NUP214: variants seen among roughly 807,000 people sequenced by gnomAD.
NUP214 encodes the protein nucleoporin 214.
A neutral mutation model predicts 196.2 loss-of-function variants in NUP214; 79 were observed. The observed-to-expected ratio is 0.40, with a 90% CI of 0.34 to 0.49. The LOEUF (loss-of-function observed/expected upper bound fraction) is 0.49. Ranked by LOEUF, NUP214 falls within the 20% of genes least tolerant of loss-of-function variation. The pLI, the probability that NUP214 is intolerant of heterozygous loss-of-function variation, is 0.58. For missense variants in NUP214, 2,468 were observed against 2,539.0 expected (o/e 0.97, Z 0.60); for synonymous variants, 1,020 against 990.5 (o/e 1.03, Z -0.56).
intron 24 of NUP214, among the ~76,000 whole-genome samples, chr9:131,183,305 G>A (rs1255818871): frequency 2.0e-5 from 3 of 152,156 alleles, no homozygotes; most frequent in African/African-American, 7.2e-5. Flanking sequence ...GGCTGGTCTC[G>A]AACTCCTGAC....
In NUP214 at chr9:131,162,945, T is replaced by C. The variant is rs767092798; in HGVS notation, c.2541-46T>C. On this transcript the variant is annotated intron_variant, in intron 18 of 35. Coordinates refer to ENST00000359428, the MANE Select transcript of NUP214 (RefSeq NM_005085.4). ...TTGTTTTTTTACTGGGAGATTCCTT[T>C]ACTTGAACCATTCATGTTTAATTCT... 2.5e-6 allele frequency: 4 copies of C among 1,591,032 alleles called. No individual in the cohort carries two copies. In the Admixed American group the frequency reaches 5.1e-5, roughly 20 times the overall value.
Position 131,205,548 on chromosome 9 carries a change from A to G in NUP214, c.5592+3831A>G, listed in dbSNP as rs191098152. 9.6e-4 allele frequency among the ~76,000 whole-genome samples: 147 copies of G among 152,386 alleles called. 1 individual carries two copies. Among genetic ancestry groups the G allele is most frequent in the East Asian group, 1.5e-3 (8 of 5,190 alleles). ...AGATATTGATAAGAATGTTCACAGC[A>G]GAATATTCTTAATAGCTAAACACAG... On this transcript the variant is annotated intron_variant, in intron 30 of 35. Coordinates refer to ENST00000359428, the MANE Select transcript of NUP214 (RefSeq NM_005085.4).
intron 11 of NUP214, among the ~76,000 whole-genome samples, chr9:131,143,650 G>A (rs1333817426): frequency 6.6e-6 from 1 of 151,968 alleles, no homozygotes; most frequent in Non-Finnish European, 1.5e-5. Flanking sequence ...CTGTTTATTA[G>A]TCCTGAAATT....
chr9:131,199,008 A>G lies in NUP214; in HGVS notation c.5514A>G (p.Gln1838=). 6.3e-7 allele frequency: 1 copy of G among 1,586,938 alleles called. No individual in the cohort carries two copies. The highest frequency in any genetic ancestry group is 8.6e-7 in the Non-Finnish European group (1 of 1,165,434). The change falls in exon 29 of 36, where the codon CAA becomes CAG. Residue 1838 remains glutamine, a synonymous_variant. Coordinates refer to ENST00000359428, the MANE Select transcript of NUP214 (RefSeq NM_005085.4). ...CAACCTCTGGGTTCAGCTTTTGCCA[A>G]GCTTCAGGTAAGAATTTGTGGAAGC... is the stretch of plus-strand genomic sequence containing the variant. ...TAATSGFSFC[Q]ASGFGSSNTG...
intron 25 of NUP214, among the ~76,000 whole-genome samples, chr9:131,188,834 G>A (rs537313534): frequency 6.6e-6 from 1 of 152,350 alleles, no homozygotes; most frequent in African/African-American, 2.4e-5. Flanking sequence ...CTTGGAGCTT[G>A]CAGAGTATTT....
intron 31 of NUP214, among the ~76,000 whole-genome samples, chr9:131,216,376 C>T (rs997167707): frequency 1.3e-5 from 2 of 151,372 alleles, no homozygotes; most frequent in Non-Finnish European, 2.9e-5. Flanking sequence ...AGGTGCCCGC[C>T]ACCAAGCCCG....
intron 31 of NUP214, among the ~76,000 whole-genome samples, chr9:131,218,255 T>A (rs1052261171): frequency 3.3e-5 from 5 of 152,294 alleles, no homozygotes; most frequent in Non-Finnish European, 5.9e-5. Flanking sequence ...ACTAGGTGTA[T>A]GATTCAATAG....
rs1333883881 is a variant in NUP214 at position 131,146,786 on chromosome 9, C to T, written c.1945+482C>T. Among the ~76,000 whole-genome samples, 2 of 151,992 alleles carry T rather than the reference C, an allele frequency of 1.3e-5. No homozygotes were observed. The highest frequency in any genetic ancestry group is 2.9e-5 in the Non-Finnish European group (2 of 67,988). On this transcript the variant is annotated intron_variant, in intron 13 of 35. Transcript: ENST00000359428. This position sits in a 1 kb window ranked among gnomAD's most constrained non-coding sequence, Gnocchi z 4.6. ...CTCTACTAAAAATACAAAAATTAGC[C>T]AGGTGTGGTGGTGGGTGCCTGTAAT... is the stretch of plus-strand genomic sequence containing the variant.
chr9:131,208,036 C>T (rs1834131667), intron 30 of NUP214, among the ~76,000 whole-genome samples: 1 of 152,070 alleles, frequency 6.6e-6, no homozygotes, highest in Non-Finnish European at 1.5e-5. Flanking sequence ...ACTTCACACC[C>T]CCTAGGATGG....
chr9:131,128,531 T>C lies in NUP214; in HGVS notation c.393+48T>C, dbSNP rs780429419. 13 of 1,494,374 alleles carry C rather than the reference T, an allele frequency of 8.7e-6. No individual in the cohort carries two copies. The African/African-American group carries it at 1.7e-4, about 19-fold the overall frequency. The allele number at this position is 1,494,374 out of a possible 1,614,324, so 92.6% of individuals were successfully genotyped here. On this transcript the variant is annotated intron_variant, in intron 3 of 35. Transcript: ENST00000359428. ...TGTCAACATGAGAACCCTAAGCAGATTTCCTTGTATTGAATTACAACTTGG... is the reference window on the plus strand; with the variant it reads ...TGTCAACATGAGAACCCTAAGCAGACTTCCTTGTATTGAATTACAACTTGG...
intron 26 of NUP214, 95 bp from the exon 27 acceptor site, chr9:131,192,113 G>A (rs1833617746): frequency 1.2e-6 from 1 of 834,432 alleles, no homozygotes; most frequent in African/African-American, 1.8e-5. Context: ...GCACCTCACA[G>A]GCTGAGCTAC....
chr9:131,184,493 C>T (rs9777289), intron 24 of NUP214, among the ~76,000 whole-genome samples: 6,151 of 151,802 alleles, frequency 0.041, 162 homozygotes, highest in African/African-American at 0.078. Context: ...GCCACCACAC[C>T]TGGCTAATTT....
intron 17 of NUP214, among the ~76,000 whole-genome samples, chr9:131,154,860 CGT>C (rs537677478): frequency 2.9e-4 from 44 of 152,242 alleles, no homozygotes; most frequent in African/African-American, 8.2e-4. Context: ...CGCACGCTCG[CGT>C]GTGTGTCACA....
At chr9:131,207,648 T>C (rs192704106) in intron 30 of NUP214, among the ~76,000 whole-genome samples, 24 of 152,368 alleles carry the variant, frequency 1.6e-4, no homozygotes, top group African/African-American at 5.5e-4. Flanking sequence ...CAAGAGGAGA[T>C]ACAGAGGCCG....
chr9:131,218,672 G>T (rs1156459751), intron 31 of NUP214, among the ~76,000 whole-genome samples: 1 of 151,976 alleles, frequency 6.6e-6, no homozygotes, highest in East Asian at 1.9e-4. Flanking sequence ...TTCCATTGTG[G>T]TCTGAAAATC....
chr9:131,203,165 T>C (rs1445619000), intron 30 of NUP214, among the ~76,000 whole-genome samples: 1 of 151,590 alleles, frequency 6.6e-6, no homozygotes, highest in African/African-American at 2.4e-5. Flanking sequence ...CAGGATGGTC[T>C]CGATCTCCTG....
chr9:131,175,669 C>G (rs989638678), intron 23 of NUP214, 48 bp downstream of exon 23: 1 of 1,588,592 alleles, frequency 6.3e-7, no homozygotes, highest in Non-Finnish European at 8.6e-7. Flanking sequence ...TATGAGCTGT[C>G]TGAGTCACAG....
intron 9 of NUP214, 89 bp from the exon 10 acceptor site, chr9:131,139,192 T>C (rs1831830711): frequency 7.5e-7 from 1 of 1,331,258 alleles, no homozygotes; most frequent in Non-Finnish European, 9.7e-7. Flanking sequence ...ATTTGAACAA[T>C]GTTAGGAGGA....
intron 5 of NUP214, among the ~76,000 whole-genome samples, chr9:131,132,373 C>T (rs1389687833): frequency 6.6e-6 from 1 of 152,090 alleles, no homozygotes; most frequent in Non-Finnish European, 1.5e-5. Context: ...CTCGGCCTCC[C>T]AAAGTGTTGA....
Sources: gnomAD v4.1 joint callset for allele counts (sites outside exome capture counted in the v4.1 genomes callset) on GRCh38, gnomAD v4.1.1 for gene constraint, Gnocchi (gnomAD v3.1) non-coding constraint, MANE v1.5 for transcripts, NCBI Gene and HGNC (gene_info 2026-07-23, HGNC 2026-07-21) for gene names.